Variants in KCNT2 observed in about 807,000 individuals in gnomAD.
KCNT2 encodes potassium sodium-activated channel subfamily T member 2, also known as potassium channel subfamily T member 2.
KCNT2 carries 67 observed loss-of-function variants against 153.8 expected under a neutral mutation model. That is an observed-to-expected ratio of 0.44 (90% confidence interval 0.36 to 0.53). KCNT2 has a LOEUF of 0.53. Ranked by LOEUF, KCNT2 falls within the 20% of genes least tolerant of loss-of-function variation. The probability of loss-of-function intolerance (pLI) is 0.00; values close to 1 mark genes in which losing one functional copy is unlikely to be tolerated. For synonymous variants in KCNT2, 500 were observed against 458.8 expected (o/e 1.09, Z -1.15); for missense variants, 975 against 1,354.8 (o/e 0.72, Z 4.40).
intron 1 of KCNT2, among the ~76,000 whole-genome samples, chr1:196,584,821 A>G (rs1366674557): frequency 1.3e-5 from 2 of 152,072 alleles, no homozygotes; most frequent in African/African-American, 2.4e-5. Flanking sequence ...ACCCAAGTAC[A>G]AATATGATTC....
chr1:196,463,284 A>G (rs1677313288), intron 8 of KCNT2, among the ~76,000 whole-genome samples: 1 of 151,810 alleles, frequency 6.6e-6, no homozygotes, highest in Non-Finnish European at 1.5e-5. Context: ...CATTGTTTAT[A>G]TGTTTCTTGG....
intron 25 of KCNT2, among the ~76,000 whole-genome samples, chr1:196,260,327 C>A (rs1656890988): frequency 6.6e-6 from 1 of 151,900 alleles, no homozygotes; most frequent in African/African-American, 2.4e-5. Context: ...GGATTCACTT[C>A]TTTTCCAAGT....
chr1:196,428,552 T>C (rs1673854039), intron 9 of KCNT2, among the ~76,000 whole-genome samples: 1 of 152,112 alleles, frequency 6.6e-6, no homozygotes. Flanking sequence ...TTATGTCCAG[T>C]AGAGCTGAGT....
intron 13 of KCNT2, among the ~76,000 whole-genome samples, chr1:196,385,168 A>G (rs1411580764): frequency 6.6e-6 from 1 of 152,168 alleles, no homozygotes; most frequent in Non-Finnish European, 1.5e-5. Context: ...TCCTTCTTCA[A>G]CATCACCAAC....
intron 25 of KCNT2, among the ~76,000 whole-genome samples, chr1:196,275,605 TA>T (rs1181854992): frequency 1.3e-5 from 2 of 151,910 alleles, no homozygotes; most frequent in African/African-American, 2.4e-5. Flanking sequence ...ATCAGAGATA[TA>T]AAAAATGATA....
intron 1 of KCNT2, among the ~76,000 whole-genome samples, chr1:196,603,178 A>T (rs1664948362): frequency 6.6e-6 from 1 of 152,188 alleles, no homozygotes; most frequent in African/African-American, 2.4e-5. Context: ...CGATATTGAT[A>T]AGAAACACAG....
At chr1:196,518,478 T>TAAAAAAAAAAAAAAAAAAAAAAAAAAAA (rs35962682) in intron 1 of KCNT2, among the ~76,000 whole-genome samples, 2 of 126,362 alleles carry the variant, frequency 1.6e-5, no homozygotes, top group African/African-American at 2.9e-5. Flanking sequence ...AAGCTGGATT[T>TAAAAAAAAAAAAAAAAAAAAAAAAAAAA]AAAAAAAAAA....
chr1:196,582,623 C>A (rs1457597806), intron 1 of KCNT2: 1 of 154,372 alleles, frequency 6.5e-6, no homozygotes, highest in East Asian at 1.9e-4. Flanking sequence ...GTCCTGGCCA[C>A]TACCTTAGTG....
At chr1:196,349,850 C>T (rs944541724) in intron 14 of KCNT2, among the ~76,000 whole-genome samples, 3 of 151,896 alleles carry the variant, frequency 2.0e-5, no homozygotes, top group Non-Finnish European at 4.4e-5. Flanking sequence ...AATGCTATCC[C>T]TCCCCCCTTC....
intron 19 of KCNT2, 67 bp from the exon 20 acceptor site, chr1:196,319,622 G>A: frequency 1.0e-6 from 1 of 994,640 alleles, no homozygotes; most frequent in South Asian, 1.6e-5. Context: ...CTAGGGAAAG[G>A]AAGTAAGTTG....
intron 1 of KCNT2, among the ~76,000 whole-genome samples, chr1:196,577,372 T>C (rs1387920014): frequency 1.3e-5 from 2 of 151,990 alleles, no homozygotes; most frequent in African/African-American, 2.4e-5. Flanking sequence ...TTTGAGAAAA[T>C]TTCCCACAGT....
intron 14 of KCNT2, among the ~76,000 whole-genome samples, chr1:196,353,228 C>A (rs1222573049): frequency 6.6e-6 from 1 of 151,880 alleles, no homozygotes; most frequent in Non-Finnish European, 1.5e-5. Context: ...GTCTAACTGG[C>A]AAATGAGATA....
intron 14 of KCNT2, among the ~76,000 whole-genome samples, chr1:196,355,469 A>G (rs1161422963): frequency 6.6e-6 from 1 of 151,800 alleles, no homozygotes; most frequent in African/African-American, 2.4e-5. Flanking sequence ...AATGCTAAAT[A>G]GTTTTCAAGC....
chr1:196,500,739 GAAAC>G (rs1289192052), intron 1 of KCNT2, among the ~76,000 whole-genome samples: 7 of 152,114 alleles, frequency 4.6e-5, no homozygotes, highest in African/African-American at 1.4e-4. Context: ...TACACCAAAG[GAAAC>G]AAACAGAGTA....
rs1246364889 is a variant in KCNT2, at chr1:196,582,757, G to T, written c.95+25458C>A. On this transcript the variant is annotated intron_variant, in intron 1 of 27. Coordinates refer to ENST00000294725, the MANE Select transcript of KCNT2 (RefSeq NM_198503.5). The stretch of plus-strand genomic sequence containing the variant: ...TACATTTCAGTGATGCATCAGGCAA[G>T]GATACAGATGAACCATGTCACCTGC... Among the ~76,000 whole-genome samples, 3 of 151,992 alleles carry T rather than the reference G, an allele frequency of 2.0e-5. No individual in the cohort carries two copies. The South Asian group carries it at 6.2e-4, about 32-fold the overall frequency.
At chr1:196,412,642 C>T (rs77661538) in intron 12 of KCNT2, among the ~76,000 whole-genome samples, 3,051 of 151,526 alleles carry the variant, frequency 0.02, 100 homozygotes, top group African/African-American at 0.069. Flanking sequence ...GCCCCCTACC[C>T]CCCAGCACAC....
chr1:196,274,434 C>G (rs1466592536), intron 25 of KCNT2, among the ~76,000 whole-genome samples: 2 of 151,484 alleles, frequency 1.3e-5, no homozygotes, highest in Admixed American at 6.6e-5. Flanking sequence ...TTCAGGATTC[C>G]TTACACATGA....
At position 196,327,715 on chromosome 1, in the gene KCNT2, G is replaced by A. The variant is rs1313188429; in HGVS notation, c.2104-826C>T. Among the ~76,000 whole-genome samples the A allele has an allele frequency of 2.1e-5, 3 of 142,902 alleles. No individual in the cohort carries two copies. The Admixed American group carries it at 2.1e-4, about 10-fold the overall frequency. 93.7% of individuals were successfully genotyped at this position (142,902 alleles called of 152,430 possible). A position where few individuals can be genotyped will look rare whatever the true frequency, so the allele number is the denominator to read the frequency against. ...GGGCCTCACTCCTGCCGCCCAGGCT[G>A]GAGTGCAGTGGTGCAATCATCGCTC... is the stretch of plus-strand genomic sequence containing the variant. On this transcript the variant is annotated intron_variant, in intron 18 of 27. Coordinates refer to ENST00000294725, the MANE Select transcript of KCNT2 (RefSeq NM_198503.5).
chr1:196,322,699 T>C (rs1663446745), intron 19 of KCNT2, among the ~76,000 whole-genome samples: 1 of 151,912 alleles, frequency 6.6e-6, no homozygotes, highest in South Asian at 2.1e-4. Context: ...TTTGTTCCCA[T>C]TTAACTAATA....
Sources: gnomAD v4.1 joint callset for allele counts (sites outside exome capture counted in the v4.1 genomes callset) on GRCh38, gnomAD v4.1.1 for gene constraint, MANE v1.5 for transcripts, NCBI Gene and HGNC (gene_info 2026-07-23, HGNC 2026-07-21) for gene names.